Variants in CHD9NB observed in about 807,000 individuals in gnomAD.
The protein encoded by CHD9NB is CHD9 neighbor protein.
At chr16:53,038,702 C>T in the CHD9NB span, among the ~76,000 whole-genome samples, 76,927 of 151,912 alleles carry the variant, frequency 0.51, 19,733 homozygotes, top group East Asian at 0.67. Flanking sequence ...TGTACAACAA[C>T]GGGGTTTTAT....
At chr16:53,043,798 T>C in the CHD9NB span, 1 of 386,148 alleles carries the variant, frequency 2.6e-6, no homozygotes, top group East Asian at 3.7e-5. Context: ...GCTGGGGAAA[T>C]AGGATTCCTT....
At chr16:53,046,149 C>A in the CHD9NB span, among the ~76,000 whole-genome samples, 32 of 152,224 alleles carry the variant, frequency 2.1e-4, no homozygotes, top group African/African-American at 7.7e-4. Flanking sequence ...CATTTACCTT[C>A]CAATTAAGAT....
the CHD9NB span, among the ~76,000 whole-genome samples, chr16:53,048,708 G>A: frequency 1.3e-5 from 2 of 152,202 alleles, no homozygotes; most frequent in East Asian, 3.9e-4. Context: ...AAGGAGGCCT[G>A]AGCCTACAGG....
chr16:53,045,612 C>T, the CHD9NB span, among the ~76,000 whole-genome samples: 1 of 152,172 alleles, frequency 6.6e-6, no homozygotes, highest in Non-Finnish European at 1.5e-5. Context: ...CAGAGAAGTA[C>T]ATTTACAATG....
the CHD9NB span, chr16:53,047,113 A>G: frequency 6.6e-6 from 1 of 152,106 alleles, no homozygotes; most frequent in Non-Finnish European, 1.5e-5. Flanking sequence ...CTTAGACATT[A>G]CCACCCACAA....
the CHD9NB span, chr16:53,044,299 A>AAGGAGACG: frequency 2.5e-6 from 1 of 396,666 alleles, no homozygotes; most frequent in Non-Finnish European, 4.4e-6. Flanking sequence ...CTATGGCCAC[A>AAGGAGACG]AGGAGACGCC....
the CHD9NB span, among the ~76,000 whole-genome samples, chr16:53,039,058 A>G: frequency 6.6e-6 from 1 of 151,786 alleles, no homozygotes; most frequent in Non-Finnish European, 1.5e-5. Context: ...ATTGGTATTC[A>G]TGCTTCTAGC....
the CHD9NB span, among the ~76,000 whole-genome samples, chr16:53,052,182 C>T: frequency 1.4e-5 from 2 of 146,974 alleles, no homozygotes; most frequent in Admixed American, 6.8e-5. Flanking sequence ...AGTTCTAGAC[C>T]AGCCTGAGCA....
At chr16:53,043,991 A>C in the CHD9NB span, 1 of 398,758 alleles carries the variant, frequency 2.5e-6, no homozygotes, top group Non-Finnish European at 4.4e-6. Flanking sequence ...GACTCTGGAG[A>C]GAGGCATTTC....
At chr16:53,046,770 T>G in the CHD9NB span, among the ~76,000 whole-genome samples, 3 of 152,122 alleles carry the variant, frequency 2.0e-5, no homozygotes, top group Non-Finnish European at 2.9e-5. Context: ...GTATAATCTG[T>G]GGGACCAAGA....
At chr16:53,050,145 G>A in the CHD9NB span, among the ~76,000 whole-genome samples, 1 of 152,072 alleles carries the variant, frequency 6.6e-6, no homozygotes, top group Non-Finnish European at 1.5e-5. Flanking sequence ...AGAGGTTGCA[G>A]TGAGCTGAGA....
At chr16:53,036,354 A>G in the CHD9NB span, among the ~76,000 whole-genome samples, 1 of 152,166 alleles carries the variant, frequency 6.6e-6, no homozygotes, top group Non-Finnish European at 1.5e-5. Context: ...AGCAGAAGCC[A>G]TTGGTCACCG....
At chr16:53,051,778 T>TATAG in the CHD9NB span, among the ~76,000 whole-genome samples, 1 of 32,516 alleles carries the variant, frequency 3.1e-5, no homozygotes, top group Non-Finnish European at 1.4e-4. Context: ...AATATATATA[T>TATAG]ATATATATAT....
chr16:53,043,155 C>A, the CHD9NB span: 1 of 152,186 alleles, frequency 6.6e-6, no homozygotes, highest in African/African-American at 2.4e-5. Context: ...GATTTAAAAA[C>A]AAAACACATG....
At chr16:53,040,490 T>A in the CHD9NB span, among the ~76,000 whole-genome samples, 1 of 152,270 alleles carries the variant, frequency 6.6e-6, no homozygotes, top group East Asian at 1.9e-4. Flanking sequence ...CAACTCCAGG[T>A]CATACATTCG....
At chr16:53,045,239 G>C in the CHD9NB span, among the ~76,000 whole-genome samples, 1 of 152,240 alleles carries the variant, frequency 6.6e-6, no homozygotes, top group Non-Finnish European at 1.5e-5. Flanking sequence ...TGAGATTACA[G>C]GTATAAGCCA....
At chr16:53,044,059 G>C in the CHD9NB span, 1 of 398,804 alleles carries the variant, frequency 2.5e-6, no homozygotes, top group Non-Finnish European at 4.4e-6. Context: ...TCTGCTGCCT[G>C]GGTGCCGGTC....
At chr16:53,041,241 G>A in the CHD9NB span, among the ~76,000 whole-genome samples, 1 of 152,222 alleles carries the variant, frequency 6.6e-6, no homozygotes. Flanking sequence ...TTTTTCCAGA[G>A]GTTAAAGTTA....
chr16:53,039,837 C>T, the CHD9NB span, among the ~76,000 whole-genome samples: 1 of 151,946 alleles, frequency 6.6e-6, no homozygotes, highest in Admixed American at 6.6e-5. Context: ...CTATGCAGTG[C>T]TCAGGCTGAC....
Sources: gnomAD v4.1 joint callset for allele counts (sites outside exome capture counted in the v4.1 genomes callset) on GRCh38, gnomAD v4.1.1 for gene constraint, MANE v1.5 for transcripts, NCBI Gene and HGNC (gene_info 2026-07-23, HGNC 2026-07-21) for gene names.